Variants in UCHL3 observed in about 807,000 individuals in gnomAD.
The protein encoded by UCHL3 is ubiquitin C-terminal hydrolase L3.
Under a neutral mutation model 35.8 loss-of-function variants are expected in UCHL3, and 22 were observed. The ratio of observed to expected loss-of-function variants is 0.61; its 90% CI spans 0.44 to 0.88. UCHL3 has a LOEUF of 0.88. UCHL3 is among the 40% of genes least tolerant of loss of function. The pLI, the probability that UCHL3 is intolerant of heterozygous loss-of-function variation, is 0.00. For missense variants in UCHL3, 229 were observed against 276.9 expected (o/e 0.83, Z 1.23); for synonymous variants, 90 against 92.8 (o/e 0.97, Z 0.17).
intron 6 of UCHL3, among the ~76,000 whole-genome samples, chr13:75,587,056 G>T (rs1431495448): frequency 1.4e-5 from 2 of 138,650 alleles, no homozygotes; most frequent in African/African-American, 2.6e-5. Flanking sequence ...AATCCAAAAT[G>T]CATAAAAGGT....
intron 7 of UCHL3, among the ~76,000 whole-genome samples, chr13:75,595,552 G>A (rs1223118428): frequency 2.4e-5 from 3 of 123,524 alleles, no homozygotes; most frequent in Non-Finnish European, 3.2e-5. Context: ...AGCCGAGATC[G>A]TGCCATGGTA....
intron 6 of UCHL3, among the ~76,000 whole-genome samples, chr13:75,580,034 T>C (rs1055896895): frequency 6.6e-6 from 1 of 152,196 alleles, no homozygotes; most frequent in African/African-American, 2.4e-5. Flanking sequence ...AAAACATAAT[T>C]GTTAAACCAG....
At chr13:75,598,882 T>A (rs1460462891) in intron 7 of UCHL3, among the ~76,000 whole-genome samples, 1 of 152,172 alleles carries the variant, frequency 6.6e-6, no homozygotes, top group East Asian at 1.9e-4. Flanking sequence ...TAAAAAAAAA[T>A]TCCCCCAACA....
chr13:75,581,784 G>T (rs1379164408), intron 6 of UCHL3, among the ~76,000 whole-genome samples: 1 of 151,458 alleles, frequency 6.6e-6, no homozygotes, highest in African/African-American at 2.4e-5. Flanking sequence ...AGTTTAAAGA[G>T]TAATTTATTC....
chr13:75,587,825 G>A (rs2032367874), intron 6 of UCHL3, among the ~76,000 whole-genome samples: 3 of 152,122 alleles, frequency 2.0e-5, no homozygotes, highest in Admixed American at 6.6e-5. Context: ...TAAGGGATGA[G>A]GTAATGTCTT....
intron 2 of UCHL3, among the ~76,000 whole-genome samples, chr13:75,551,836 G>T: frequency 6.6e-6 from 1 of 152,084 alleles, no homozygotes; most frequent in East Asian, 1.9e-4. Context: ...TATTTTAGGG[G>T]CACCTTTTTT....
At chr13:75,565,379 C>T (rs962308562) in intron 3 of UCHL3, among the ~76,000 whole-genome samples, 1 of 152,078 alleles carries the variant, frequency 6.6e-6, no homozygotes, top group East Asian at 1.9e-4. Flanking sequence ...AATTTAGAAG[C>T]ACAATAATAA....
chr13:75,571,887 GA>G (rs927750724), intron 6 of UCHL3, among the ~76,000 whole-genome samples: 22 of 148,268 alleles, frequency 1.5e-4, no homozygotes, highest in South Asian at 2.1e-4. Flanking sequence ...GTGTTGGAGT[GA>G]AAAAAAAAAT....
At chr13:75,567,097 A>G (rs2031708564) in intron 4 of UCHL3, 130 bp from the exon 5 acceptor site, 1 of 924,862 alleles carries the variant, frequency 1.1e-6, no homozygotes, top group African/African-American at 1.7e-5. Flanking sequence ...TTATAACATG[A>G]TCCTTACATT....
intron 6 of UCHL3, among the ~76,000 whole-genome samples, chr13:75,572,888 T>C (rs2031906003): frequency 6.6e-6 from 1 of 152,182 alleles, no homozygotes; most frequent in Admixed American, 6.5e-5. Flanking sequence ...AACAAAAATC[T>C]GTATGTTTCA....
chr13:75,555,156 C>T (rs1020446965), intron 2 of UCHL3, among the ~76,000 whole-genome samples: 16 of 152,174 alleles, frequency 1.1e-4, no homozygotes, highest in African/African-American at 3.4e-4. Context: ...AGAGTCTTTG[C>T]ACTTGCTCAT....
At chr13:75,569,566 C>A (rs761800362) in intron 6 of UCHL3, 59 bp downstream of exon 6, 30 of 1,478,032 alleles carry the variant, frequency 2.0e-5, no homozygotes, top group Non-Finnish European at 2.8e-5. Flanking sequence ...AAATTTCTTG[C>A]TGTAAATTTA....
intron 3 of UCHL3, among the ~76,000 whole-genome samples, chr13:75,564,694 G>T (rs2328964): frequency 0.79 from 120,764 of 151,982 alleles, 48,810 homozygotes; most frequent in Middle Eastern, 0.91. Flanking sequence ...TGATAGTGTT[G>T]TGTTGTTATC....
intron 3 of UCHL3, 102 bp downstream of exon 3, chr13:75,560,983 T>C: frequency 9.0e-7 from 1 of 1,113,074 alleles, no homozygotes. Flanking sequence ...TAGGCTGGAG[T>C]GCAGAGGTGT....
intron 6 of UCHL3, among the ~76,000 whole-genome samples, chr13:75,592,452 A>ATATG (rs1555276771): frequency 1.7e-5 from 2 of 114,836 alleles, no homozygotes; most frequent in Non-Finnish European, 3.7e-5. Context: ...ATATATATAT[A>ATATG]TATATATATA....
chr13:75,604,689 G>T, intron 7 of UCHL3, 80 bp from the exon 8 acceptor site: 1 of 1,198,698 alleles, frequency 8.3e-7, no homozygotes, highest in South Asian at 1.8e-5. Context: ...GCCTCACTGG[G>T]GGAAGAGGAA....
At chr13:75,589,076 C>T (rs1223945332) in intron 6 of UCHL3, among the ~76,000 whole-genome samples, 7 of 152,166 alleles carry the variant, frequency 4.6e-5, no homozygotes, top group Non-Finnish European at 8.8e-5. Flanking sequence ...CCCATGTTAG[C>T]ATTAACATAT....
intron 7 of UCHL3, among the ~76,000 whole-genome samples, chr13:75,599,241 G>T (rs1372052408): frequency 6.6e-6 from 1 of 151,900 alleles, no homozygotes; most frequent in Non-Finnish European, 1.5e-5. Context: ...AAAGTGCTGG[G>T]ATTACAGGCA....
At chr13:75,586,653 A>G (rs958915073) in intron 6 of UCHL3, among the ~76,000 whole-genome samples, 2 of 151,996 alleles carry the variant, frequency 1.3e-5, no homozygotes, top group Non-Finnish European at 2.9e-5. Flanking sequence ...TTTTTTAAAA[A>G]ATTTAATTTA....
Sources: allele counts gnomAD v4.1 joint callset (sites outside exome capture counted in the v4.1 genomes callset), GRCh38; gene constraint gnomAD v4.1.1; transcripts MANE v1.5; gene names NCBI Gene and HGNC (gene_info 2026-07-23, HGNC 2026-07-21).